Variants in PDK1 observed in about 807,000 individuals in gnomAD.
PDK1 encodes the protein [Pyruvate dehydrogenase (acetyl-transferring)] kinase isozyme 1, mitochondrial.
A neutral mutation model predicts 54.2 loss-of-function variants in PDK1; 39 were observed. The ratio of observed to expected loss-of-function variants is 0.72; its 90% CI spans 0.56 to 0.94. PDK1 has a LOEUF of 0.94. Among genes scored for constraint, PDK1 ranks in the 40% least tolerant of loss-of-function variants. PDK1 has a pLI of 0.00. For missense variants in PDK1, 552 were observed against 566.0 expected (o/e 0.98, Z 0.25); for synonymous variants, 221 against 207.1 (o/e 1.07, Z -0.58).
downstream of PDK1, among the ~76,000 whole-genome samples, chr2:172,613,143 C>G (rs1691515148): frequency 6.6e-6 from 1 of 152,162 alleles, no homozygotes; most frequent in African/African-American, 2.4e-5. Context: ...AGAACTGAGT[C>G]TTGACTAACA....
intron 5 of PDK1, 137 bp from the exon 6 acceptor site, chr2:172,566,719 T>C (rs1412825342): frequency 2.0e-5 from 9 of 451,420 alleles, no homozygotes; most frequent in African/African-American, 1.9e-4. Context: ...AAAAGCAGAC[T>C]TTCACCAAAC....
the PDK1 span, among the ~76,000 whole-genome samples, chr2:172,680,725 A>C: frequency 1.6e-3 from 241 of 152,260 alleles, 1 homozygote; most frequent in African/African-American, 5.5e-3. Context: ...GCACTCATTG[A>C]AAACTTGACT....
the PDK1 span, among the ~76,000 whole-genome samples, chr2:172,618,581 T>C: frequency 6.6e-6 from 1 of 152,240 alleles, no homozygotes; most frequent in Non-Finnish European, 1.5e-5. Flanking sequence ...TAAAATAATT[T>C]ATCTCTGCAC....
At chr2:172,720,111 TC>T in the PDK1 span, among the ~76,000 whole-genome samples, 65 of 101,180 alleles carry the variant, frequency 6.4e-4, no homozygotes, top group South Asian at 1.1e-3. Flanking sequence ...TCTCTCTCTC[TC>T]TCTCTTTTTT....
chr2:172,680,480 T>C, the PDK1 span, among the ~76,000 whole-genome samples: 2 of 152,152 alleles, frequency 1.3e-5, no homozygotes, highest in Non-Finnish European at 2.9e-5. Context: ...GCCTTTGGAA[T>C]AGCTGAGGGT....
upstream of PDK1, chr2:172,555,899 C>A: frequency 2.9e-6 from 1 of 349,266 alleles, no homozygotes. Context: ...CATCTCCTTC[C>A]TCGGGAGGCT....
rs1465788357 is a variant in PDK1, at chr2:172,596,294, ATACT to A, written c.*327_*330del. ...GAAACTAGTTTTTTTTTTTTAAGAA[ATACT>A]TTCATTTATGTTTGCTAGAAACATT... On this transcript the variant is annotated 3_prime_UTR_variant, in exon 11 of 11. Transcript: ENST00000282077. The A allele has an allele frequency of 5.7e-6, 1 of 174,716 alleles. No homozygotes were observed. Among genetic ancestry groups the A allele is most frequent in the Non-Finnish European group, 1.2e-5 (1 of 82,532 alleles). The allele number at this position is 174,716 out of a possible 1,614,324, so 10.8% of individuals were successfully genotyped here.
the PDK1 span, among the ~76,000 whole-genome samples, chr2:172,666,169 C>T: frequency 6.6e-6 from 1 of 152,180 alleles, no homozygotes; most frequent in Non-Finnish European, 1.5e-5. Context: ...TTTGCATTGA[C>T]AAGATTATCA....
At chr2:172,693,080 T>G in the PDK1 span, among the ~76,000 whole-genome samples, 1 of 152,246 alleles carries the variant, frequency 6.6e-6, no homozygotes, top group South Asian at 2.1e-4. Flanking sequence ...TGGACCCTCC[T>G]GGAGGACCAG....
At chr2:172,558,378 A>G (rs1201577206) in intron 1 of PDK1, 1 of 197,278 alleles carries the variant, frequency 5.1e-6, no homozygotes, top group Non-Finnish European at 1.0e-5. Context: ...TGTTAATTTT[A>G]TAAAGCCTTG....
the PDK1 span, among the ~76,000 whole-genome samples, chr2:172,716,099 A>G: frequency 6.6e-6 from 1 of 152,246 alleles, no homozygotes; most frequent in Non-Finnish European, 1.5e-5. Flanking sequence ...ATCCATTAGC[A>G]AAAATGAACA....
At chr2:172,588,041 GT>G (rs1423912532) in intron 9 of PDK1, among the ~76,000 whole-genome samples, 1 of 152,192 alleles carries the variant, frequency 6.6e-6, no homozygotes, top group Non-Finnish European at 1.5e-5. Flanking sequence ...TCACCTCTCA[GT>G]TTTGCCTGAT....
At chr2:172,588,309 G>GCTAGT (rs1690376050) in intron 9 of PDK1, among the ~76,000 whole-genome samples, 1 of 152,226 alleles carries the variant, frequency 6.6e-6, no homozygotes, top group Non-Finnish European at 1.5e-5. Context: ...GGCATAGTGA[G>GCTAGT]CTAGTCCAGA....
intron 8 of PDK1, among the ~76,000 whole-genome samples, chr2:172,578,737 A>ATT (rs397873817): frequency 3.5e-5 from 5 of 141,208 alleles, no homozygotes; most frequent in African/African-American, 1.3e-4. Flanking sequence ...TTGTTTTGTA[A>ATT]TTTTTTTTTT....
At chr2:172,663,603 G>A in the PDK1 span, among the ~76,000 whole-genome samples, 2 of 152,144 alleles carry the variant, frequency 1.3e-5, no homozygotes, top group African/African-American at 2.4e-5. Flanking sequence ...GTGGGAGGGG[G>A]TCCTGGAGAA....
the PDK1 span, among the ~76,000 whole-genome samples, chr2:172,632,991 A>AAAAAAAAAAAAAAAAAAAAAAAAAC: frequency 6.8e-6 from 1 of 147,486 alleles, no homozygotes; most frequent in African/African-American, 2.6e-5. Flanking sequence ...AAAAAAAAAA[A>AAAAAAAAAAAAAAAAAAAAAAAAAC]AAGGAACATA....
downstream of PDK1, among the ~76,000 whole-genome samples, chr2:172,609,947 G>A (rs146866822): frequency 0.017 from 2,513 of 151,812 alleles, 39 homozygotes; most frequent in South Asian, 0.077. Flanking sequence ...TCAGCCTCCC[G>A]AGTAGCTGGG....
At position 172,565,012 on chromosome 2, in the gene PDK1, A is replaced by T; in HGVS notation, c.630A>T (p.Pro210=). The T allele has an allele frequency of 6.2e-7, 1 of 1,613,326 alleles. No individual in the cohort carries two copies. The change falls in exon 5 of 11, where the codon CCA becomes CCT. Residue 210 remains proline (P), a synonymous_variant. Coordinates refer to ENST00000282077, the MANE Select transcript of PDK1 (RefSeq NM_002610.5). ...LLFGGKGKGS[P]SHRKHIGSIN... ...TTGGTGGAAAAGGCAAAGGAAGTCCATCTCATCGAAAACACATTGGAAGCA... is the reference window on the plus strand; with the variant it reads ...TTGGTGGAAAAGGCAAAGGAAGTCCTTCTCATCGAAAACACATTGGAAGCA...
At chr2:172,686,024 A>C in the PDK1 span, among the ~76,000 whole-genome samples, 1 of 152,252 alleles carries the variant, frequency 6.6e-6, no homozygotes, top group Non-Finnish European at 1.5e-5. Flanking sequence ...AGCTGTGTTA[A>C]GTGCTGGATA....
Sources: gnomAD v4.1 joint callset for allele counts (sites outside exome capture counted in the v4.1 genomes callset) on GRCh38, gnomAD v4.1.1 for gene constraint, MANE v1.5 for transcripts, NCBI Gene and HGNC (gene_info 2026-07-23, HGNC 2026-07-21) for gene names.